MAP3K12: variants seen among roughly 807,000 people sequenced by gnomAD.
MAP3K12 encodes the protein MAPK-upstream kinase.
MAP3K12 carries 14 observed loss-of-function variants against 87.5 expected under a neutral mutation model. The ratio of observed to expected loss-of-function variants is 0.16; its 90% CI spans 0.11 to 0.25. The LOEUF is 0.25. MAP3K12 is among the 10% of genes least tolerant of loss of function. The pLI is 1.00. For synonymous variants in MAP3K12, 469 were observed against 452.5 expected (o/e 1.04, Z -0.46); for missense variants, 802 against 1,140.4 (o/e 0.70, Z 4.27).
intron 1 of MAP3K12, among the ~76,000 whole-genome samples, chr12:53,496,637 A>G (rs1034182462): frequency 2.0e-5 from 3 of 152,262 alleles, no homozygotes; most frequent in African/African-American, 7.2e-5. Context: ...ATACCAAAGT[A>G]TAACAACAGT....
chr12:53,488,391 G>C (rs191199692), intron 1 of MAP3K12, among the ~76,000 whole-genome samples: 20 of 152,330 alleles, frequency 1.3e-4, no homozygotes, highest in Non-Finnish European at 2.5e-4. Flanking sequence ...GCCGGGTGCA[G>C]TGGCTCACAC....
rs760190419 is a variant in MAP3K12 at position 53,482,580 on chromosome 12, G to A, written c.2223C>T (p.Ala741=). Residue 741 remains alanine (A), a synonymous_variant, in exon 11 of 14, where the codon GCC becomes GCT. Coordinates refer to ENST00000547488, the MANE Select transcript of MAP3K12 (RefSeq NM_001193511.2). ...CATACTTTACCTGACTTCGGGTGAC[G>A]GCAGCCCTGTACAGCAGTGCAGCTG... ...LTPAALLYRA[A]VTRSQKRGIS... is the part of the protein sequence containing the mutation. 1.6e-5 allele frequency: 25 copies of A among 1,609,594 alleles called. No homozygotes were observed. The highest frequency in any genetic ancestry group is 4.5e-5 in the East Asian group (2 of 44,836).
At chr12:53,501,515 G>A (rs144471521), upstream of MAP3K12, 14 of 1,549,988 alleles carry the variant, frequency 9.0e-6, no homozygotes, top group East Asian at 3.2e-4. Context: ...GCCGTGCGGA[G>A]GGAGTAGCGG....
rs1369569544 is a variant in MAP3K12 at position 53,482,942 on chromosome 12, C to G, written c.1861G>C (p.Glu621Gln). The G allele has an allele frequency of 6.8e-6, 11 of 1,606,396 alleles. No individual in the cohort carries two copies. Among genetic ancestry groups the G allele is most frequent in the African/African-American group, 1.3e-5 (1 of 74,870 alleles). The change falls in exon 11 of 14, where the codon GAG becomes CAG. Residue 621 changes from glutamate to glutamine, a missense_variant. Glu to Gln is a conservative substitution (Grantham distance 29). Transcript: ENST00000547488. ...GGLGGGPSAW[E>Q]ACPPALRGLH... ...CCACGGAGGGCGGGAGGGCAGGCCTCCCAGGCTGAGGGTCCCCCTCCTAGG... is the reference window on the plus strand; with the variant it reads ...CCACGGAGGGCGGGAGGGCAGGCCTGCCAGGCTGAGGGTCCCCCTCCTAGG...
intron 1 of MAP3K12, among the ~76,000 whole-genome samples, chr12:53,491,156 C>T (rs1369091872): frequency 1.3e-5 from 2 of 150,576 alleles, no homozygotes; most frequent in Admixed American, 6.6e-5. Flanking sequence ...GGTGGGGCGG[C>T]GGTCGCCTGT....
chr12:53,500,171 A>AC (rs1943653327), upstream of MAP3K12: 1 of 141,630 alleles, frequency 7.1e-6, no homozygotes, highest in Admixed American at 7.0e-5. Flanking sequence ...ACTCATTAGA[A>AC]CCTTTTTTTT....
At chr12:53,499,240 C>T (rs1592727921) in intron 1 of MAP3K12, among the ~76,000 whole-genome samples, 187 bp downstream of exon 1, 1 of 152,044 alleles carries the variant, frequency 6.6e-6, no homozygotes, top group African/African-American at 2.4e-5. Context: ...GCTCCATTCC[C>T]TTCCTTCCCA....
intron 1 of MAP3K12, among the ~76,000 whole-genome samples, chr12:53,491,287 C>CAAAAAAAAAAAAAAAAAAAAAAAAAAAAA (rs780256956): frequency 1.9e-5 from 1 of 52,862 alleles, no homozygotes; most frequent in East Asian, 9.6e-4. Context: ...GACTCTGTCT[C>CAAAAAAAAAAAAAAAAAAAAAAAAAAAAA]AAAAAAAAAA....
intron 1 of MAP3K12, among the ~76,000 whole-genome samples, chr12:53,489,839 G>A (rs1404166545): frequency 6.6e-6 from 1 of 152,162 alleles, no homozygotes; most frequent in Admixed American, 6.5e-5. Context: ...TATTTAACAA[G>A]CACCCTAGAT....
rs981583603 is a variant in MAP3K12 at position 53,481,835 on chromosome 12, T to C, written c.2580+106A>G. ...CCACGTGGATATTTGCTCTTTATGG[T>C]ACTTTCTGGCCTGTGCAGCTGTCTC... On this transcript the variant is annotated intron_variant, in intron 13 of 13. Coordinates refer to ENST00000547488, the MANE Select transcript of MAP3K12 (RefSeq NM_001193511.2). The C allele has an allele frequency of 3.6e-6, 5 of 1,373,480 alleles. No individual in the cohort carries two copies. The African/African-American group carries it at 7.3e-5, about 20-fold the overall frequency. 85.1% of individuals were successfully genotyped at this position (1,373,480 alleles called of 1,614,324 possible).
chr12:53,484,166 C>T (rs1943160731), intron 7 of MAP3K12, 91 bp downstream of exon 7: 1 of 1,371,414 alleles, frequency 7.3e-7, no homozygotes, highest in Non-Finnish European at 1.0e-6. Context: ...CTCTTCAGTC[C>T]CACTCAACCC....
At chr12:53,501,355 T>G, upstream of MAP3K12, 1 of 1,545,686 alleles carries the variant, frequency 6.5e-7, no homozygotes, top group South Asian at 1.2e-5. Flanking sequence ...CGGCTGTGTA[T>G]TGGGGCGCGT....
rs1392865016 is a variant in MAP3K12, at chr12:53,482,366, G to A, written c.2242C>T (p.Arg748Cys). The change falls in exon 12 of 14, where the codon CGT (arginine) becomes TGT (cysteine). Residue 748 changes from arginine to cysteine, a missense_variant. Coordinates refer to ENST00000547488, the MANE Select transcript of MAP3K12 (RefSeq NM_001193511.2). ...YRAAVTRSQK[R>C]GISSEEEEGE... The stretch of plus-strand genomic sequence containing the variant: ...TCCTCCTCTTCCGATGAGATGCCAC[G>A]TTTCTGCAGGAGAGATGGGGTGGGG... 4 of 1,613,728 alleles carry A rather than the reference G, an allele frequency of 2.5e-6. No homozygotes were observed. The highest frequency in any genetic ancestry group is 2.2e-5 in the East Asian group (1 of 44,876).
In MAP3K12 at chr12:53,486,920, G is replaced by GCCC; in HGVS notation, c.445+26_445+27insGGG. 2 of 1,608,484 alleles carry GCCC rather than the reference G, an allele frequency of 1.2e-6. No homozygotes were observed. Among genetic ancestry groups the GCCC allele is most frequent in the Non-Finnish European group, 1.7e-6 (2 of 1,175,730 alleles). On this transcript the variant is annotated intron_variant, in intron 2 of 13. Coordinates refer to ENST00000547488, the MANE Select transcript of MAP3K12 (RefSeq NM_001193511.2). The surrounding 1 kb of genome is among the most constrained non-coding windows in gnomAD (Gnocchi z 4.9). ...GATCTCGGGCTCAGGGAAACAGAGA[G>GCCC]GAGGCTCCCACAAGGACGTGGCCTA...
Position 53,481,290 on chromosome 12 carries a change from A to G in MAP3K12, c.2581-10T>C. On this transcript the variant is annotated splice_polypyrimidine_tract_variant and intron_variant, in intron 13 of 13. Transcript: ENST00000547488. ...CAGAATTGGGAGGGCCCTGTGAGAA[A>G]GAGTAGAAATGGAGTGAGATTCCTT... The G allele has an allele frequency of 6.6e-7, 1 of 1,508,084 alleles. No individual in the cohort carries two copies. Among genetic ancestry groups the G allele is most frequent in the Non-Finnish European group, 8.9e-7 (1 of 1,121,872 alleles). 93.4% of individuals were successfully genotyped at this position (1,508,084 alleles called of 1,614,324 possible).
Position 53,483,388 on chromosome 12 carries a change from T to C in MAP3K12, c.1574A>G (p.Lys525Arg), listed in dbSNP as rs140537763. 5.1e-4 allele frequency: 818 copies of C among 1,613,968 alleles called. 1 individual carries two copies. The highest frequency in any genetic ancestry group is 6.6e-4 in the Non-Finnish European group (784 of 1,179,968). ...HGNTMEKLIK[K>R]RNVPQKLSPH... ...TGACAGCTTCTGTGGCACATTCCTC[T>C]TCTTGATAAGCTTCTCCATTGTGTT... Residue 525 changes from lysine (K) to arginine (R), a missense_variant, in exon 10 of 14, where the codon AAG becomes AGG. Lys to Arg is a conservative substitution (Grantham distance 26). Transcript: ENST00000547488.
intron 13 of MAP3K12, chr12:53,481,506 C>T (rs545645065): frequency 1.7e-4 from 51 of 297,964 alleles, no homozygotes; most frequent in African/African-American, 1.0e-3. Context: ...TGCACCACCA[C>T]GCCCAGCTAA....
rs2137184226 is a variant in MAP3K12 at position 53,483,931 on chromosome 12, C to T, written c.1338G>A (p.Met446Ile). 1 of 1,614,202 alleles carries T rather than the reference C, an allele frequency of 6.2e-7. No homozygotes were observed. Among genetic ancestry groups the T allele is most frequent in the Non-Finnish European group, 8.5e-7 (1 of 1,180,016 alleles). ...CLHRLEEELV[M>I]RRREELRHAL... ...CTCACCTGAGCTCCTCCCTCCTCCT[C>T]ATCACCAGTTCCTCTTCTAGGCGGT... Residue 446 changes from methionine to isoleucine, a missense_variant, in exon 8 of 14, where the codon ATG (methionine) becomes ATA (isoleucine). Around this residue, in one of 5 missense-constraint regions of MAP3K12, gnomAD observed 99 missense variants for 193.4 expected, o/e 0.51. Coordinates refer to ENST00000547488, the MANE Select transcript of MAP3K12 (RefSeq NM_001193511.2).
At position 53,487,151 on chromosome 12, in the gene MAP3K12, G is replaced by T; in HGVS notation, c.241C>A (p.Leu81Met). Residue 81 changes from leucine (L) to methionine (M), a missense_variant, in exon 2 of 14, where the codon CTG (leucine) becomes ATG (methionine). Physicochemically the swap from Leu to Met is conservative, Grantham distance 15. This residue lies in a region of MAP3K12 where 135 missense variants were observed against 151.6 expected (regional missense o/e 0.89). Coordinates refer to ENST00000547488, the MANE Select transcript of MAP3K12 (RefSeq NM_001193511.2). ...CCTGCATCCTGCTCATGTAGCTGCA[G>T]GACACTGTTGGCAAAAGGCTCAGGG... is the stretch of plus-strand genomic sequence containing the variant. ...PPPEPFANSV[L>M]QLHEQDAGGP... The T allele has an allele frequency of 6.2e-7, 1 of 1,614,076 alleles. No homozygotes were observed. The highest frequency in any genetic ancestry group is 8.5e-7 in the Non-Finnish European group (1 of 1,180,008).
Sources: allele counts gnomAD v4.1 joint callset (sites outside exome capture counted in the v4.1 genomes callset), GRCh38; gene constraint gnomAD v4.1.1; regional missense constraint gnomAD v4.1.1; non-coding constraint Gnocchi (gnomAD v3.1); transcripts MANE v1.5; gene names NCBI Gene and HGNC (gene_info 2026-07-23, HGNC 2026-07-21).